KCNH8: variants seen among roughly 807,000 people sequenced by gnomAD.
The protein encoded by KCNH8 is voltage-gated delayed rectifier potassium channel KCNH8.
KCNH8 carries 70 observed loss-of-function variants against 103.6 expected under a neutral mutation model. That is an observed-to-expected ratio of 0.68 (90% CI 0.56 to 0.82). KCNH8 has a LOEUF of 0.82. KCNH8 is among the 40% of genes least tolerant of loss of function. The pLI, the probability that KCNH8 is intolerant of heterozygous loss-of-function variation, is 0.00. For missense variants in KCNH8, 1,217 were observed against 1,329.9 expected (o/e 0.92, Z 1.32); for synonymous variants, 498 against 489.4 (o/e 1.02, Z -0.23).
chr3:19,302,039 C>G (rs1470460349), intron 3 of KCNH8, among the ~76,000 whole-genome samples: 5 of 152,120 alleles, frequency 3.3e-5, no homozygotes, highest in Non-Finnish European at 7.4e-5. Flanking sequence ...CAAACTCTTG[C>G]ATTTACGGTT....
At chr3:19,414,223 A>G (rs1335912499) in intron 7 of KCNH8, among the ~76,000 whole-genome samples, 2 of 152,142 alleles carry the variant, frequency 1.3e-5, no homozygotes, top group Non-Finnish European at 2.9e-5. Flanking sequence ...ATTAAAGTTT[A>G]CAAAATTTCT....
intron 15 of KCNH8, among the ~76,000 whole-genome samples, chr3:19,529,445 C>A (rs972624403): frequency 6.6e-6 from 1 of 152,086 alleles, no homozygotes; most frequent in Admixed American, 6.5e-5. Flanking sequence ...GAGCTTTGTT[C>A]ACGAAGTAGC....
intron 15 of KCNH8, among the ~76,000 whole-genome samples, chr3:19,528,272 T>G (rs2069100110): frequency 6.6e-6 from 1 of 152,106 alleles, no homozygotes; most frequent in Admixed American, 6.6e-5. Context: ...TTTCAGTTGA[T>G]AAACAACTCT....
chr3:19,383,620 G>A (rs187200249), intron 5 of KCNH8, among the ~76,000 whole-genome samples: 26 of 152,246 alleles, frequency 1.7e-4, no homozygotes, highest in Non-Finnish European at 2.2e-4. Context: ...TGATCCACCC[G>A]CCTTGGCCTC....
chr3:19,172,358 G>A (rs2063356504), intron 1 of KCNH8, among the ~76,000 whole-genome samples: 1 of 150,510 alleles, frequency 6.6e-6, no homozygotes, highest in Non-Finnish European at 1.5e-5. Flanking sequence ...TCTTTTTAAT[G>A]ATTTTTTTCT....
intron 8 of KCNH8, among the ~76,000 whole-genome samples, chr3:19,439,907 T>A (rs3905630): frequency 1.4e-5 from 2 of 147,612 alleles, no homozygotes; most frequent in African/African-American, 2.5e-5. Context: ...CAAAAGGAAC[T>A]GAAGGGAAGG....
chr3:19,178,267 T>G (rs1417571212), intron 1 of KCNH8, among the ~76,000 whole-genome samples: 2 of 148,650 alleles, frequency 1.3e-5, no homozygotes, highest in Non-Finnish European at 2.9e-5. Context: ...ATTAGTCATT[T>G]TAAGTTTTTG....
Position 19,513,190 on chromosome 3 carries a change from TCA to T in KCNH8, c.2301_2302del (p.Ile767MetfsTer15). 6.2e-7 allele frequency: 1 copy of T among 1,613,904 alleles called. No homozygotes were observed. Among genetic ancestry groups the T allele is most frequent in the Non-Finnish European group, 8.5e-7 (1 of 1,179,946 alleles). ...GGAACGGTGCCCTTTCACTCGCCTA[TCA>T]GAGTCTCCAGGTCAAATTCCCCCAA... On this transcript the variant is annotated frameshift_variant, in exon 13 of 16. Transcript: ENST00000328405. LOFTEE classifies it high-confidence loss of function.
intron 1 of KCNH8, among the ~76,000 whole-genome samples, chr3:19,181,506 A>G (rs1214757625): frequency 6.6e-6 from 1 of 152,198 alleles, no homozygotes; most frequent in Non-Finnish European, 1.5e-5. Flanking sequence ...GAGAAAAGAC[A>G]TAAAGAAATG....
At chr3:19,168,537 T>C (rs544150025) in intron 1 of KCNH8, among the ~76,000 whole-genome samples, 1 of 152,272 alleles carries the variant, frequency 6.6e-6, no homozygotes, top group East Asian at 1.9e-4. Context: ...CCTCTGTAAA[T>C]TGTATGGAAT....
intron 1 of KCNH8, among the ~76,000 whole-genome samples, chr3:19,195,703 C>G (rs1465798428): frequency 6.6e-6 from 1 of 151,944 alleles, no homozygotes; most frequent in Non-Finnish European, 1.5e-5. Flanking sequence ...TGGCCTGTGA[C>G]CCAAGCTCAG....
chr3:19,395,073 C>A (rs1487696768), intron 6 of KCNH8, 31 bp from the exon 7 acceptor site: 3 of 1,535,048 alleles, frequency 2.0e-6, no homozygotes, highest in Non-Finnish European at 2.7e-6. Flanking sequence ...AACACATGCA[C>A]CAAGTTGTGC....
rs537603074 is a variant in KCNH8 at position 19,505,466 on chromosome 3, A to T, written c.2041-4897A>T. Among the ~76,000 whole-genome samples, 9 of 151,794 alleles carry T rather than the reference A, an allele frequency of 5.9e-5. No homozygotes were observed. In the East Asian group the frequency reaches 1.2e-3, roughly 20 times the overall value. On this transcript the variant is annotated intron_variant, in intron 11 of 15. Coordinates refer to ENST00000328405, the MANE Select transcript of KCNH8 (RefSeq NM_144633.3). Reference sequence around the variant, plus strand: ...CTGAACTTAAGATAAAGTTTTTTTTAAAAAAGAATGTTGATATAGGCCCAC... The same window carrying T: ...CTGAACTTAAGATAAAGTTTTTTTTTAAAAAGAATGTTGATATAGGCCCAC...
At chr3:19,156,569 A>T (rs2063182805) in intron 1 of KCNH8, among the ~76,000 whole-genome samples, 1 of 152,202 alleles carries the variant, frequency 6.6e-6, no homozygotes. Context: ...GGAACTACTA[A>T]ATGCATTCAC....
At chr3:19,246,424 G>A (rs953794381) in intron 1 of KCNH8, among the ~76,000 whole-genome samples, 35 of 151,312 alleles carry the variant, frequency 2.3e-4, no homozygotes, top group African/African-American at 8.0e-4. Context: ...CTACAGGCAC[G>A]TGCCACCATG....
chr3:19,407,448 C>A (rs889605893), intron 7 of KCNH8, among the ~76,000 whole-genome samples: 2 of 151,988 alleles, frequency 1.3e-5, no homozygotes, highest in Non-Finnish European at 2.9e-5. Context: ...CTGCTCCACA[C>A]CTACGCAGAT....
At chr3:19,265,567 C>T (rs182291770) in intron 2 of KCNH8, among the ~76,000 whole-genome samples, 83 of 152,090 alleles carry the variant, frequency 5.5e-4, no homozygotes, top group Middle Eastern at 6.8e-3. Context: ...ATTAAGGAGC[C>T]TGGAATCTAA....
Position 19,236,383 on chromosome 3 carries a change from G to A in KCNH8, c.77-17271G>A, listed in dbSNP as rs116540868. On this transcript the variant is annotated intron_variant, in intron 1 of 15. Transcript: ENST00000328405. ...TATACACTATCTCTTCTCTTCTTAC[G>A]TCATCGTGTACTGCCTCCCTTCTCC... 9.7e-3 allele frequency among the ~76,000 whole-genome samples: 1,470 copies of A among 152,162 alleles called. 7 individuals carry two copies. The highest frequency in any genetic ancestry group is 0.02 in the Middle Eastern group (6 of 294).
chr3:19,318,658 TGTGTAC>T (rs1188479675), intron 3 of KCNH8, among the ~76,000 whole-genome samples: 1 of 95,522 alleles, frequency 1.0e-5, no homozygotes, highest in Admixed American at 9.9e-5. Flanking sequence ...TGTGTGTGTG[TGTGTAC>T]ACACACACAC....
Sources: gnomAD v4.1 joint callset for allele counts (sites outside exome capture counted in the v4.1 genomes callset) on GRCh38, gnomAD v4.1.1 for gene constraint, MANE v1.5 for transcripts, NCBI Gene and HGNC (gene_info 2026-07-23, HGNC 2026-07-21) for gene names.